OLFM2: variants seen among roughly 807,000 people sequenced by gnomAD.
OLFM2 encodes the protein olfactomedin 2, also known as noelin-2.
Under a neutral mutation model 43.9 loss-of-function variants are expected in OLFM2, and 20 were observed. The observed-to-expected ratio is 0.46, with a 90% CI of 0.32 to 0.66. OLFM2 has a LOEUF of 0.66. Among genes scored for constraint, OLFM2 ranks in the 30% least tolerant of loss-of-function variants. The probability of loss-of-function intolerance (pLI) is 0.04; values close to 1 mark genes in which losing one functional copy is unlikely to be tolerated. For synonymous variants in OLFM2, 268 were observed against 278.6 expected (o/e 0.96, Z 0.38); for missense variants, 416 against 643.6 (o/e 0.65, Z 3.83).
At chr19:9,926,034 G>A (rs2145007537) in intron 1 of OLFM2, among the ~76,000 whole-genome samples, 1 of 152,040 alleles carries the variant, frequency 6.6e-6, no homozygotes, top group South Asian at 2.1e-4. Context: ...CTACTTGGGA[G>A]GCTGAGGTGG....
chr19:9,854,970 T>C lies in OLFM2; in HGVS notation c.688-107A>G. On this transcript the variant is annotated intron_variant, in intron 5 of 5. Coordinates refer to ENST00000264833, the MANE Select transcript of OLFM2 (RefSeq NM_058164.4). This position sits in a 1 kb window ranked among gnomAD's most constrained non-coding sequence, Gnocchi z 9.5. The stretch of plus-strand genomic sequence containing the variant: ...TCAACAGTCACTAAGTGGTCATTAG[T>C]CATGGGAACTCTGTTGACCATTCAT... The C allele has an allele frequency of 1.2e-6, 1 of 814,114 alleles. No homozygotes were observed. The highest frequency in any genetic ancestry group is 1.8e-5 in the South Asian group (1 of 54,552). The allele number at this position is 814,114 out of a possible 1,614,324, so 50.4% of individuals were successfully genotyped here.
At chr19:9,915,418 G>A (rs1236403951) in intron 1 of OLFM2, among the ~76,000 whole-genome samples, 3 of 151,306 alleles carry the variant, frequency 2.0e-5, no homozygotes, top group African/African-American at 7.3e-5. Context: ...CAAGAAATAC[G>A]GGAAAAAAGT....
intron 1 of OLFM2, among the ~76,000 whole-genome samples, chr19:9,883,833 C>T (rs2046561991): frequency 6.6e-6 from 1 of 152,164 alleles, no homozygotes; most frequent in African/African-American, 2.4e-5. Flanking sequence ...CGCACCACCT[C>T]CTAGCCATGA....
chr19:9,858,841 T>C (rs1452154637), intron 2 of OLFM2, among the ~76,000 whole-genome samples: 1 of 152,066 alleles, frequency 6.6e-6, no homozygotes, highest in African/African-American at 2.4e-5. Context: ...CTGGCTAAGG[T>C]AGACTCCAGC....
At chr19:9,895,212 G>A (rs1258790743) in intron 1 of OLFM2, among the ~76,000 whole-genome samples, 1 of 152,178 alleles carries the variant, frequency 6.6e-6, no homozygotes, top group Admixed American at 6.5e-5. Context: ...TCTAGGCTGT[G>A]TGCAGTGGCT....
intron 1 of OLFM2, among the ~76,000 whole-genome samples, chr19:9,884,570 G>A (rs2046569841): frequency 6.6e-6 from 1 of 152,140 alleles, no homozygotes; most frequent in Non-Finnish European, 1.5e-5. Flanking sequence ...TGGGACTGTA[G>A]AGATGCTGGT....
chr19:9,926,466 C>T (rs1345959653), intron 1 of OLFM2, among the ~76,000 whole-genome samples: 1 of 152,002 alleles, frequency 6.6e-6, no homozygotes, highest in South Asian at 2.1e-4. Flanking sequence ...ATGGGAGAAT[C>T]GCTTGAATCT....
chr19:9,874,645 T>C (rs1057064777), intron 1 of OLFM2, among the ~76,000 whole-genome samples: 2 of 152,098 alleles, frequency 1.3e-5, no homozygotes, highest in African/African-American at 4.8e-5. Context: ...CATGCCTGGC[T>C]AACTTTTCTA....
At chr19:9,858,198 TCCA>T (rs764091029) in intron 2 of OLFM2, 12 of 391,982 alleles carry the variant, frequency 3.1e-5, no homozygotes, top group Non-Finnish European at 5.9e-5. Context: ...ACCTTCCTCC[TCCA>T]CAGATCCTGT....
At chr19:9,904,152 T>TGTGTG (rs2046763744) in intron 1 of OLFM2, among the ~76,000 whole-genome samples, 2 of 127,270 alleles carry the variant, frequency 1.6e-5, no homozygotes, top group East Asian at 2.5e-4. Flanking sequence ...TGAGTATTGT[T>TGTGTG]TGTGTGTGTG....
At chr19:9,923,283 G>A (rs757613628) in intron 1 of OLFM2, among the ~76,000 whole-genome samples, 7 of 151,738 alleles carry the variant, frequency 4.6e-5, no homozygotes, top group African/African-American at 9.7e-5. Flanking sequence ...AGCTGGGCAC[G>A]GTGGCTCATG....
At chr19:9,917,727 T>C (rs1247627375) in intron 1 of OLFM2, among the ~76,000 whole-genome samples, 1 of 146,330 alleles carries the variant, frequency 6.8e-6, no homozygotes, top group Non-Finnish European at 1.5e-5. Flanking sequence ...CAATTCCCTG[T>C]ATTAAATTTC....
chr19:9,915,201 G>C (rs2046864959), intron 1 of OLFM2, among the ~76,000 whole-genome samples: 1 of 151,410 alleles, frequency 6.6e-6, no homozygotes, highest in African/African-American at 2.4e-5. Context: ...AAAAATGCCT[G>C]CCTGTGTGAA....
At chr19:9,933,392 ACACCT>A (rs1009928347) in intron 1 of OLFM2, among the ~76,000 whole-genome samples, 2 of 151,524 alleles carry the variant, frequency 1.3e-5, no homozygotes, top group Non-Finnish European at 2.9e-5. Flanking sequence ...GTGCAACACC[ACACCT>A]GGCTAATTTT....
chr19:9,901,791 G>C (rs1006936226), intron 1 of OLFM2, among the ~76,000 whole-genome samples: 3 of 152,166 alleles, frequency 2.0e-5, no homozygotes, highest in African/African-American at 7.2e-5. Context: ...CCCACGTTTA[G>C]GGCACATGTG....
chr19:9,903,796 C>T (rs1341516567), intron 1 of OLFM2, among the ~76,000 whole-genome samples: 1 of 152,170 alleles, frequency 6.6e-6, no homozygotes, highest in Non-Finnish European at 1.5e-5. Flanking sequence ...CTTCTCACTG[C>T]ACCAAGTGCC....
chr19:9,859,913 A>G (rs757825491), intron 2 of OLFM2, among the ~76,000 whole-genome samples: 1 of 152,182 alleles, frequency 6.6e-6, no homozygotes, highest in Non-Finnish European at 1.5e-5. Flanking sequence ...AGGCCAAGAC[A>G]GGCAAATCAC....
intron 1 of OLFM2, among the ~76,000 whole-genome samples, chr19:9,917,652 G>A (rs912056488): frequency 2.0e-5 from 3 of 152,124 alleles, no homozygotes; most frequent in Non-Finnish European, 4.4e-5. Flanking sequence ...GCTTTCTGCT[G>A]TAGCTTATGC....
chr19:9,856,155 A>G lies in OLFM2; in HGVS notation c.687+652T>C, dbSNP rs1339561575. Among the ~76,000 whole-genome samples the G allele has an allele frequency of 3.3e-5, 5 of 152,070 alleles. No individual in the cohort carries two copies. Among genetic ancestry groups the G allele is most frequent in the Admixed American group, 6.6e-5 (1 of 15,266 alleles). On this transcript the variant is annotated intron_variant, in intron 5 of 5. Coordinates refer to ENST00000264833, the MANE Select transcript of OLFM2 (RefSeq NM_058164.4). This position sits in a 1 kb window ranked among gnomAD's most constrained non-coding sequence, Gnocchi z 4.0. ...CTCGTGTTGCCCAGGCTGCAGTGCAATGGTGCGATCTTGGCTCACTGCAAC... is the reference window on the plus strand; with the variant it reads ...CTCGTGTTGCCCAGGCTGCAGTGCAGTGGTGCGATCTTGGCTCACTGCAAC...
Sources: allele counts gnomAD v4.1 joint callset (sites outside exome capture counted in the v4.1 genomes callset), GRCh38; gene constraint gnomAD v4.1.1; non-coding constraint Gnocchi (gnomAD v3.1); transcripts MANE v1.5; gene names NCBI Gene and HGNC (gene_info 2026-07-23, HGNC 2026-07-21).